CPNE8: variants seen among roughly 807,000 people sequenced by gnomAD.
The protein encoded by CPNE8 is copine 8.
CPNE8 carries 45 observed loss-of-function variants against 81.5 expected under a neutral mutation model. The ratio of observed to expected loss-of-function variants is 0.55; its 90% CI spans 0.44 to 0.71. The LOEUF is 0.71. Ranked by LOEUF, CPNE8 falls within the 30% of genes least tolerant of loss-of-function variation. The pLI is 0.00. For missense variants in CPNE8, 594 were observed against 672.1 expected, an observed-to-expected ratio of 0.88 and a Z score of 1.28; for synonymous variants, 252 against 226.3, an observed-to-expected ratio of 1.11 and a Z score of -1.02.
rs1941892612 is a variant in CPNE8 at position 38,774,835 on chromosome 12, T to G, written c.471+1403A>C. Among the ~76,000 whole-genome samples, 3 of 152,194 alleles carry G rather than the reference T, an allele frequency of 2.0e-5. No individual in the cohort carries two copies. The South Asian group carries it at 6.2e-4, about 31-fold the overall frequency. ...AAGTGAGACTGATATGACCGTGACA[T>G]GCCCAGGGGGACAAAGACAATGAGC... is the stretch of plus-strand genomic sequence containing the variant. On this transcript the variant is annotated intron_variant, in intron 7 of 19. Transcript: ENST00000331366.
chr12:38,807,451 G>A (rs991092886), intron 6 of CPNE8, among the ~76,000 whole-genome samples: 3 of 151,948 alleles, frequency 2.0e-5, no homozygotes, highest in Non-Finnish European at 4.4e-5. Context: ...AACACTGCAT[G>A]TCTACAACTA....
At chr12:38,887,379 T>C (rs563360768) in intron 1 of CPNE8, among the ~76,000 whole-genome samples, 1 of 152,166 alleles carries the variant, frequency 6.6e-6, no homozygotes, top group African/African-American at 2.4e-5. Context: ...CCATCTTACG[T>C]AAGTCATTGT....
intron 3 of CPNE8, among the ~76,000 whole-genome samples, chr12:38,872,751 C>A (rs1296519534): frequency 6.6e-6 from 1 of 152,080 alleles, no homozygotes; most frequent in African/African-American, 2.4e-5. Flanking sequence ...TAGATTGCAA[C>A]ACATTAAATT....
At chr12:38,816,199 G>A (rs1357639684) in intron 6 of CPNE8, among the ~76,000 whole-genome samples, 3 of 152,102 alleles carry the variant, frequency 2.0e-5, no homozygotes, top group Non-Finnish European at 2.9e-5. Context: ...ATAATGTGCA[G>A]GAGAGATACT....
At chr12:38,827,679 T>C (rs1218443731) in intron 6 of CPNE8, among the ~76,000 whole-genome samples, 1 of 152,164 alleles carries the variant, frequency 6.6e-6, no homozygotes, top group South Asian at 2.1e-4. Context: ...GCAACAGTAA[T>C]GGAACTAGAG....
chr12:38,771,773 G>A (rs1008395176), intron 7 of CPNE8, among the ~76,000 whole-genome samples: 1 of 152,100 alleles, frequency 6.6e-6, no homozygotes, highest in Non-Finnish European at 1.5e-5. Flanking sequence ...TCTTGGATAT[G>A]ATACAAAAGC....
chr12:38,760,764 C>A, intron 10 of CPNE8, 83 bp downstream of exon 10: 2 of 1,068,416 alleles, frequency 1.9e-6, no homozygotes, highest in Non-Finnish European at 1.4e-6. Context: ...CTAAAAATTA[C>A]AATTTAAAAA....
chr12:38,735,877 T>C (rs7979541), intron 10 of CPNE8, among the ~76,000 whole-genome samples: 57,779 of 151,544 alleles, frequency 0.38, 11,604 homozygotes, highest in Middle Eastern at 0.46. Context: ...GTTTTTACTA[T>C]TAATAGTATA....
intron 10 of CPNE8, among the ~76,000 whole-genome samples, chr12:38,739,908 G>C (rs1941050725): frequency 6.6e-6 from 1 of 151,980 alleles, no homozygotes; most frequent in Admixed American, 6.6e-5. Flanking sequence ...GATAAGATAA[G>C]GTAGACTCTA....
intron 13 of CPNE8, among the ~76,000 whole-genome samples, chr12:38,718,983 T>C (rs1026236037): frequency 1.3e-5 from 2 of 152,088 alleles, no homozygotes; most frequent in East Asian, 3.9e-4. Context: ...TATAAAAAAA[T>C]AGTAATAGCA....
intron 6 of CPNE8, among the ~76,000 whole-genome samples, chr12:38,811,017 T>C (rs962857214): frequency 6.6e-6 from 1 of 152,130 alleles, no homozygotes; most frequent in Non-Finnish European, 1.5e-5. Context: ...CACCCTCATC[T>C]TGAGCTCAAC....
intron 19 of CPNE8, among the ~76,000 whole-genome samples, chr12:38,669,176 T>C (rs1441832205): frequency 6.6e-6 from 1 of 152,234 alleles, no homozygotes; most frequent in African/African-American, 2.4e-5. Flanking sequence ...TGATTTTTAC[T>C]GTATCAAGTA....
chr12:38,747,988 A>T (rs553995825), intron 10 of CPNE8, among the ~76,000 whole-genome samples: 8 of 152,070 alleles, frequency 5.3e-5, no homozygotes, highest in Non-Finnish European at 1.2e-4. Context: ...ATTCCTAGAA[A>T]GCAATACTAT....
At chr12:38,695,016 G>A (rs549210050) in intron 14 of CPNE8, among the ~76,000 whole-genome samples, 2 of 152,158 alleles carry the variant, frequency 1.3e-5, no homozygotes, top group Non-Finnish European at 2.9e-5. Context: ...AGTTACCAGC[G>A]TTCAAGGGCT....
chr12:38,798,829 G>A (rs187820054), intron 6 of CPNE8, among the ~76,000 whole-genome samples: 1 of 152,056 alleles, frequency 6.6e-6, no homozygotes, highest in East Asian at 1.9e-4. Context: ...ACACACATAG[G>A]CTCAAAATAA....
chr12:38,755,806 C>T (rs1310989425), intron 10 of CPNE8, among the ~76,000 whole-genome samples: 13 of 151,848 alleles, frequency 8.6e-5, no homozygotes, highest in Non-Finnish European at 1.9e-4. Context: ...TTTGGGAGGC[C>T]GAGGCGGGCG....
intron 13 of CPNE8, among the ~76,000 whole-genome samples, chr12:38,703,366 T>C (rs1019683945): frequency 6.6e-6 from 1 of 152,160 alleles, no homozygotes; most frequent in Admixed American, 6.6e-5. Flanking sequence ...CTTAAACTAA[T>C]TCTTTTTGAC....
intron 6 of CPNE8, among the ~76,000 whole-genome samples, chr12:38,796,813 G>T (rs933272840): frequency 6.6e-6 from 1 of 152,094 alleles, no homozygotes; most frequent in South Asian, 2.1e-4. Flanking sequence ...GGTGACAGGC[G>T]GCACCTGGAA....
At chr12:38,806,936 A>T (rs1942821950) in intron 6 of CPNE8, among the ~76,000 whole-genome samples, 1 of 150,238 alleles carries the variant, frequency 6.7e-6, no homozygotes, top group South Asian at 2.1e-4. Flanking sequence ...CAAAAATCAC[A>T]AGCATTCTTA....
Sources: gnomAD v4.1 joint callset for allele counts (sites outside exome capture counted in the v4.1 genomes callset) on GRCh38, gnomAD v4.1.1 for gene constraint, MANE v1.5 for transcripts, NCBI Gene and HGNC (gene_info 2026-07-23, HGNC 2026-07-21) for gene names.